Variants in NSUN6 observed in about 807,000 individuals in gnomAD.
NSUN6 encodes NOP2/Sun RNA methyltransferase 6.
Under a neutral mutation model 58.0 loss-of-function variants are expected in NSUN6, and 64 were observed. The observed-to-expected ratio is 1.10, with a 90% CI of 0.90 to 1.36. NSUN6 has a LOEUF of 1.36. NSUN6 is among the 40% of genes most tolerant of loss of function. The pLI is 0.00. For synonymous variants in NSUN6, 231 were observed against 193.9 expected, an observed-to-expected ratio of 1.19 and a Z score of -1.59; for missense variants, 701 against 550.1, an observed-to-expected ratio of 1.27 and a Z score of -2.74.
chr10:18,617,215 T>A (rs535203012), intron 3 of NSUN6, among the ~76,000 whole-genome samples: 2 of 144,868 alleles, frequency 1.4e-5, no homozygotes, highest in South Asian at 4.3e-4. Flanking sequence ...TGAGACCAAG[T>A]CTTTCTCTGT....
At chr10:18,596,112 A>T (rs1458773226) in intron 7 of NSUN6, 96 bp downstream of exon 7, 35 of 1,026,632 alleles carry the variant, frequency 3.4e-5, no homozygotes, top group Non-Finnish European at 5.0e-5. Flanking sequence ...CTGAATCTGA[A>T]CTAAATGAGA....
rs760115716 is a variant in NSUN6 at position 18,562,981 on chromosome 10, G to A, written c.923-11010C>T. Among the ~76,000 whole-genome samples, 180 of 151,206 alleles carry A rather than the reference G, an allele frequency of 1.2e-3. 1 individual carries two copies. Among genetic ancestry groups the A allele is most frequent in the Non-Finnish European group, 2.2e-3 (146 of 67,588 alleles). ...ATGTAGTGAAAAATGGAAAGGAATG[G>A]AGAATGGAATGGAAAATGTAACAAA... On this transcript the variant is annotated intron_variant, in intron 8 of 10. Coordinates refer to ENST00000377304, the MANE Select transcript of NSUN6 (RefSeq NM_182543.5).
At chr10:18,603,153 T>C (rs1221152768) in intron 6 of NSUN6, among the ~76,000 whole-genome samples, 1 of 152,042 alleles carries the variant, frequency 6.6e-6, no homozygotes, top group Non-Finnish European at 1.5e-5. Context: ...ATTAGCCAGA[T>C]GTGGTTGACT....
chr10:18,635,836 T>C (rs1299697993), intron 3 of NSUN6, among the ~76,000 whole-genome samples: 1 of 151,134 alleles, frequency 6.6e-6, no homozygotes, highest in African/African-American at 2.4e-5. Context: ...AGACTCTGTG[T>C]TGTTGTTTTT....
intron 8 of NSUN6, among the ~76,000 whole-genome samples, chr10:18,553,444 G>A (rs548222301): frequency 1.3e-3 from 200 of 149,264 alleles, no homozygotes; most frequent in Non-Finnish European, 2.1e-3. Flanking sequence ...AATGGAATGC[G>A]AAATGGAATG....
intron 8 of NSUN6, among the ~76,000 whole-genome samples, chr10:18,565,983 T>C (rs766456053): frequency 7.6e-6 from 1 of 131,052 alleles, no homozygotes; most frequent in Non-Finnish European, 1.7e-5. Flanking sequence ...TTCCATACCA[T>C]TCCCCATTCC....
At chr10:18,557,618 G>A (rs187832116) in intron 8 of NSUN6, among the ~76,000 whole-genome samples, 2 of 147,260 alleles carry the variant, frequency 1.4e-5, no homozygotes, top group East Asian at 2.1e-4. Context: ...TTGGAACGGA[G>A]AATGGAATAG....
rs577669774 is a variant in NSUN6, at chr10:18,579,586, C to T, written c.922+6363G>A. The stretch of plus-strand genomic sequence containing the variant: ...GTTTATTTTACCAAGGTTAAGAATG[C>T]GTCCATGACACAGCCTCAGAAAGTC... On this transcript the variant is annotated intron_variant, in intron 8 of 10. Transcript: ENST00000377304. 4.6e-5 allele frequency among the ~76,000 whole-genome samples: 7 copies of T among 152,282 alleles called. No homozygotes were observed. In the South Asian group the frequency reaches 6.2e-4, roughly 14 times the overall value.
At chr10:18,602,711 T>C (rs2057895469) in intron 6 of NSUN6, among the ~76,000 whole-genome samples, 1 of 152,170 alleles carries the variant, frequency 6.6e-6, no homozygotes, top group Non-Finnish European at 1.5e-5. Flanking sequence ...CTGGCAGCCT[T>C]TGGCAGTCCA....
chr10:18,609,205 C>T (rs560349769), intron 6 of NSUN6, among the ~76,000 whole-genome samples: 5 of 151,970 alleles, frequency 3.3e-5, no homozygotes, highest in South Asian at 4.1e-4. Context: ...CAACTATTTG[C>T]GAGGCTAAGG....
intron 6 of NSUN6, among the ~76,000 whole-genome samples, chr10:18,604,890 T>C (rs1408410335): frequency 4.7e-5 from 7 of 149,870 alleles, no homozygotes; most frequent in Non-Finnish European, 8.9e-5. Context: ...TTTCTTTTTT[T>C]TTTTTTTCTT....
At chr10:18,577,109 C>T (rs1450963074) in intron 8 of NSUN6, among the ~76,000 whole-genome samples, 2 of 152,212 alleles carry the variant, frequency 1.3e-5, no homozygotes, top group African/African-American at 2.4e-5. Flanking sequence ...TTATTAACTA[C>T]ACTACAGATG....
chr10:18,627,744 C>A (rs1272289408), intron 3 of NSUN6, among the ~76,000 whole-genome samples: 2 of 152,258 alleles, frequency 1.3e-5, no homozygotes, highest in East Asian at 1.9e-4. Flanking sequence ...TATCCCGCGG[C>A]TCGGAGGGTC....
chr10:18,658,545 T>G (rs1411111481), upstream of NSUN6: 2 of 263,468 alleles, frequency 7.6e-6, no homozygotes, highest in Non-Finnish European at 1.2e-5. Context: ...CGAATTGGCT[T>G]ATGCGTGGAC....
At chr10:18,611,233 T>C (rs914767925) in intron 5 of NSUN6, among the ~76,000 whole-genome samples, 7 of 152,052 alleles carry the variant, frequency 4.6e-5, no homozygotes, top group African/African-American at 1.4e-4. Flanking sequence ...TCATAACTTA[T>C]ACCTAGTTTA....
At chr10:18,571,433 T>C (rs2056355705) in intron 8 of NSUN6, among the ~76,000 whole-genome samples, 1 of 150,676 alleles carries the variant, frequency 6.6e-6, no homozygotes, top group African/African-American at 2.4e-5. Context: ...CCATTCTTCA[T>C]TCCATTCCAA....
intron 8 of NSUN6, among the ~76,000 whole-genome samples, chr10:18,566,596 TTCC>T (rs1325706162): frequency 6.6e-6 from 1 of 151,190 alleles, no homozygotes; most frequent in Non-Finnish European, 1.5e-5. Context: ...CTCCATTCCA[TTCC>T]ATTCTCCAGT....
intron 10 of NSUN6, among the ~76,000 whole-genome samples, chr10:18,547,599 G>A (rs745834597): frequency 2.6e-5 from 4 of 152,126 alleles, no homozygotes; most frequent in Non-Finnish European, 5.9e-5. Context: ...AACATAAAGA[G>A]TTGTGTTAGG....
intron 8 of NSUN6, among the ~76,000 whole-genome samples, chr10:18,568,484 C>G (rs1443907615): frequency 2.0e-5 from 3 of 150,560 alleles, no homozygotes; most frequent in South Asian, 2.1e-4. Context: ...GCATTCCATT[C>G]TATTCTCCAT....
Sources: allele counts gnomAD v4.1 joint callset (sites outside exome capture counted in the v4.1 genomes callset), GRCh38; gene constraint gnomAD v4.1.1; transcripts MANE v1.5; gene names NCBI Gene and HGNC (gene_info 2026-07-23, HGNC 2026-07-21).